Variants in NRG3 observed in about 807,000 individuals in gnomAD.
NRG3 encodes the protein pro-neuregulin-3, membrane-bound isoform.
NRG3 carries 31 observed loss-of-function variants against 66.9 expected under a neutral mutation model. The observed-to-expected ratio is 0.46, with a 90% CI of 0.35 to 0.63. The LOEUF is 0.63. Ranked by LOEUF, NRG3 falls within the 20% of genes least tolerant of loss-of-function variation. The pLI is 0.00. For missense variants in NRG3, 910 were observed against 878.9 expected, an observed-to-expected ratio of 1.04 and a Z score of -0.45; for synonymous variants, 393 against 359.4, an observed-to-expected ratio of 1.09 and a Z score of -1.06.
chr10:81,943,286 CAGG>C (rs1315460219), intron 1 of NRG3, among the ~76,000 whole-genome samples: 2 of 152,106 alleles, frequency 1.3e-5, no homozygotes, highest in African/African-American at 4.8e-5. Context: ...GAGGCTGAGG[CAGG>C]AGGACTACTT....
rs1278708480 is a variant in NRG3, at chr10:81,989,686, G to A, written c.823+113523G>A. 2.0e-5 allele frequency among the ~76,000 whole-genome samples: 3 copies of A among 152,120 alleles called. 1 individual carries two copies. Among genetic ancestry groups the A allele is most frequent in the South Asian group, 4.1e-4 (2 of 4,826 alleles). ...CATTTTTGGATTTGAGGTCATAGGA[G>A]CCCAGAGGGGCAAAACTCTCAGTAG... On this transcript the variant is annotated intron_variant, in intron 1 of 8. Coordinates refer to ENST00000372141, the MANE Select transcript of NRG3 (RefSeq NM_001010848.4).
Position 81,875,811 on chromosome 10 carries a change from C to G in NRG3, c.471C>G (p.Arg157=), listed in dbSNP as rs139334295. The G allele has an allele frequency of 5.6e-6, 9 of 1,609,590 alleles. No individual in the cohort carries two copies. The highest frequency in any genetic ancestry group is 7.6e-6 in the Non-Finnish European group (9 of 1,179,858). Reference sequence around the variant, plus strand: ...GGACGCCCAACCGGATTAGCACTCGCCTGACCACCATCACGCGGGCGCCCA... The same window carrying G: ...GGACGCCCAACCGGATTAGCACTCGGCTGACCACCATCACGCGGGCGCCCA... ...SSRTPNRIST[R]LTTITRAPTR... Residue 157 remains arginine, a synonymous_variant, in exon 1 of 9, where the codon CGC becomes CGG. Transcript: ENST00000372141. This position sits in a 1 kb window ranked among gnomAD's most constrained non-coding sequence, Gnocchi z 5.3.
At chr10:82,542,890 A>G (rs985128120) in intron 2 of NRG3, among the ~76,000 whole-genome samples, 5 of 137,752 alleles carry the variant, frequency 3.6e-5, no homozygotes, top group Non-Finnish European at 6.1e-5. Context: ...ATCTTCATTT[A>G]GATCTTTTTT....
intron 1 of NRG3, among the ~76,000 whole-genome samples, chr10:82,332,684 C>T (rs1193280785): frequency 1.3e-5 from 2 of 152,178 alleles, no homozygotes; most frequent in Admixed American, 1.3e-4. Context: ...TGTCTCATCT[C>T]TCTACTGGCA....
intron 3 of NRG3, among the ~76,000 whole-genome samples, chr10:82,797,213 C>T (rs2060837054): frequency 6.6e-6 from 1 of 152,198 alleles, no homozygotes; most frequent in Admixed American, 6.5e-5. Context: ...GCTACTGCTT[C>T]CTGCTCTAAT....
chr10:82,360,244 G>A (rs1302280198), intron 2 of NRG3, among the ~76,000 whole-genome samples: 1 of 152,128 alleles, frequency 6.6e-6, no homozygotes, highest in Non-Finnish European at 1.5e-5. Flanking sequence ...GTGCATGTAT[G>A]GATACAAAGC....
rs562920996 is a variant in NRG3 at position 82,049,941 on chromosome 10, A to C, written c.823+173778A>C. On this transcript the variant is annotated intron_variant, in intron 1 of 8. Coordinates refer to ENST00000372141, the MANE Select transcript of NRG3 (RefSeq NM_001010848.4). ...TTTCCTGTTGTGCCTATAGTGTTGAATTTGCAGGAATGACTTATTGTAGAA... is the reference window on the plus strand; with the variant it reads ...TTTCCTGTTGTGCCTATAGTGTTGACTTTGCAGGAATGACTTATTGTAGAA... Among the ~76,000 whole-genome samples the C allele has an allele frequency of 1.7e-4, 26 of 152,146 alleles. No homozygotes were observed. In the South Asian group the frequency reaches 4.6e-3, roughly 27 times the overall value.
intron 1 of NRG3, among the ~76,000 whole-genome samples, chr10:82,281,844 G>A (rs2079137615): frequency 6.6e-6 from 1 of 152,056 alleles, no homozygotes; most frequent in South Asian, 2.1e-4. Context: ...GTTTTTGTCT[G>A]TATCAGTTTT....
In NRG3 at chr10:82,278,884, T is replaced by C. The variant is rs2078989523; in HGVS notation, c.824-79855T>C. ...TGACAACTTCTGTATTTGCTTTAGG[T>C]CTGAACTGGAAGTTGCTTCCAGGCT... On this transcript the variant is annotated intron_variant, in intron 1 of 8. Coordinates refer to ENST00000372141, the MANE Select transcript of NRG3 (RefSeq NM_001010848.4). Among the ~76,000 whole-genome samples the C allele has an allele frequency of 2.0e-5, 3 of 152,284 alleles. 1 individual carries two copies. The highest frequency in any genetic ancestry group is 2.0e-4 in the Admixed American group (3 of 15,284).
intron 7 of NRG3, among the ~76,000 whole-genome samples, chr10:82,977,007 T>C (rs1412772673): frequency 1.3e-5 from 2 of 152,060 alleles, no homozygotes; most frequent in African/African-American, 4.8e-5. Flanking sequence ...TATAGCAAAA[T>C]CTCTAACAAT....
At chr10:82,841,994 C>T (rs925751146) in intron 3 of NRG3, among the ~76,000 whole-genome samples, 2 of 152,154 alleles carry the variant, frequency 1.3e-5, no homozygotes, top group African/African-American at 2.4e-5. Context: ...CATCTCGCAG[C>T]TCATCCCTCT....
chr10:82,333,573 G>C (rs2082245483), intron 1 of NRG3, among the ~76,000 whole-genome samples: 1 of 152,166 alleles, frequency 6.6e-6, no homozygotes, highest in African/African-American at 2.4e-5. Flanking sequence ...TCTTGTCACT[G>C]TATCCATAGC....
chr10:82,355,847 T>C (rs1467086153), intron 1 of NRG3, among the ~76,000 whole-genome samples: 1 of 152,232 alleles, frequency 6.6e-6, no homozygotes, highest in Non-Finnish European at 1.5e-5. Flanking sequence ...AATGTATTGA[T>C]AATTGCAGTT....
chr10:82,738,930 G>C (rs342362), intron 3 of NRG3, among the ~76,000 whole-genome samples: 89,997 of 152,048 alleles, frequency 0.59, 26,989 homozygotes, highest in Admixed American at 0.62. Flanking sequence ...GCCCAGCCAC[G>C]TACCACCTCA....
At chr10:81,973,533 A>G (rs2060007945) in intron 1 of NRG3, among the ~76,000 whole-genome samples, 1 of 152,144 alleles carries the variant, frequency 6.6e-6, no homozygotes, top group Non-Finnish European at 1.5e-5. Context: ...CAACAGTGTA[A>G]AAGTGTTCCT....
At chr10:82,064,039 A>G (rs747072078) in intron 1 of NRG3, among the ~76,000 whole-genome samples, 19 of 152,224 alleles carry the variant, frequency 1.2e-4, no homozygotes, top group Non-Finnish European at 2.4e-4. Context: ...GGTGACAGTG[A>G]TGTTGTACCT....
chr10:82,103,790 T>A (rs577815063), intron 1 of NRG3, among the ~76,000 whole-genome samples: 1 of 152,192 alleles, frequency 6.6e-6, no homozygotes, highest in Non-Finnish European at 1.5e-5. Context: ...GGCTTTTACG[T>A]GCCTGGGCTG....
intron 2 of NRG3, among the ~76,000 whole-genome samples, chr10:82,568,785 G>A (rs1193603700): frequency 3.3e-5 from 5 of 151,746 alleles, no homozygotes; most frequent in Admixed American, 1.3e-4. Flanking sequence ...TGTTGTCGTT[G>A]ACACTCATTG....
chr10:82,136,046 A>G (rs1163803080), intron 1 of NRG3, among the ~76,000 whole-genome samples: 1 of 152,136 alleles, frequency 6.6e-6, no homozygotes, highest in Non-Finnish European at 1.5e-5. Flanking sequence ...TGTCACTGCA[A>G]CCTTATCAGC....
Sources: gnomAD v4.1 joint callset for allele counts (sites outside exome capture counted in the v4.1 genomes callset) on GRCh38, gnomAD v4.1.1 for gene constraint, Gnocchi (gnomAD v3.1) non-coding constraint, MANE v1.5 for transcripts, NCBI Gene and HGNC (gene_info 2026-07-23, HGNC 2026-07-21) for gene names.